MYO1D: variants seen among roughly 807,000 people sequenced by gnomAD.
MYO1D encodes unconventional myosin-Id.
MYO1D carries 83 observed loss-of-function variants against 122.0 expected under a neutral mutation model. The observed-to-expected ratio is 0.68, with a 90% CI of 0.57 to 0.82. MYO1D has a LOEUF of 0.82. Ranked by LOEUF, MYO1D falls within the 40% of genes least tolerant of loss-of-function variation. The pLI is 0.00. For synonymous variants in MYO1D, 464 were observed against 446.9 expected, an observed-to-expected ratio of 1.04 and a Z score of -0.48; for missense variants, 1,157 against 1,269.5, an observed-to-expected ratio of 0.91 and a Z score of 1.35.
intron 1 of MYO1D, among the ~76,000 whole-genome samples, chr17:32,868,938 G>T (rs2151092216): frequency 6.6e-6 from 1 of 152,152 alleles, no homozygotes; most frequent in South Asian, 2.1e-4. Context: ...GCTGGGTTCG[G>T]TGGCTCATGC....
intron 1 of MYO1D, among the ~76,000 whole-genome samples, chr17:32,813,213 T>A (rs530536230): frequency 6.6e-6 from 1 of 152,200 alleles, no homozygotes; most frequent in Non-Finnish European, 1.5e-5. Flanking sequence ...TACTCATTCA[T>A]CTAACAAATA....
intron 16 of MYO1D, among the ~76,000 whole-genome samples, chr17:32,672,487 CGTTT>C (rs983262010): frequency 1.6e-4 from 25 of 151,608 alleles, no homozygotes; most frequent in African/African-American, 4.6e-4. Flanking sequence ...GGTTTTTTTT[CGTTT>C]GTTTGTTTTT....
At chr17:32,624,217 T>G (rs796270952) in intron 20 of MYO1D, among the ~76,000 whole-genome samples, 6 of 92,004 alleles carry the variant, frequency 6.5e-5, no homozygotes, top group African/African-American at 2.6e-4. Context: ...TTTCTTTAAG[T>G]TTTTTTTTTT....
At chr17:32,780,508 G>A in intron 2 of MYO1D, 68 bp downstream of exon 2, 3 of 1,483,370 alleles carry the variant, frequency 2.0e-6, no homozygotes, top group Non-Finnish European at 2.8e-6. Context: ...CAATTGTTTG[G>A]ATTCTTGAGT....
At chr17:32,691,923 C>G (rs1000533634) in intron 16 of MYO1D, among the ~76,000 whole-genome samples, 1 of 152,068 alleles carries the variant, frequency 6.6e-6, no homozygotes, top group Admixed American at 6.6e-5. Flanking sequence ...TTTGAAAAAT[C>G]CCGAGTATTT....
intron 21 of MYO1D, among the ~76,000 whole-genome samples, chr17:32,519,618 G>A (rs1365526600): frequency 6.6e-6 from 1 of 151,654 alleles, no homozygotes; most frequent in Non-Finnish European, 1.5e-5. Flanking sequence ...CCGCAGCCCC[G>A]GCCGGCCGCG....
chr17:32,531,911 A>G (rs1034389756), intron 21 of MYO1D, among the ~76,000 whole-genome samples: 3 of 152,226 alleles, frequency 2.0e-5, no homozygotes, highest in Non-Finnish European at 2.9e-5. Context: ...TTGCTTACAG[A>G]GCAGGAAAAT....
At chr17:32,820,160 T>G (rs997932863) in intron 1 of MYO1D, among the ~76,000 whole-genome samples, 3 of 152,206 alleles carry the variant, frequency 2.0e-5, no homozygotes, top group African/African-American at 7.2e-5. Context: ...TCTTGCACAC[T>G]GTTGGTGGGA....
chr17:32,578,131 G>A (rs558005224), intron 21 of MYO1D, among the ~76,000 whole-genome samples: 2 of 152,330 alleles, frequency 1.3e-5, no homozygotes, highest in African/African-American at 4.8e-5. Context: ...CTGCATATAA[G>A]AGAATAGCAG....
chr17:32,723,392 C>T (rs1048518275), intron 14 of MYO1D, among the ~76,000 whole-genome samples: 1 of 152,174 alleles, frequency 6.6e-6, no homozygotes, highest in Non-Finnish European at 1.5e-5. Context: ...GGACACTTAG[C>T]TGATGTTAGA....
At chr17:32,606,978 G>A (rs1046505390) in intron 20 of MYO1D, among the ~76,000 whole-genome samples, 5 of 152,070 alleles carry the variant, frequency 3.3e-5, no homozygotes, top group African/African-American at 1.2e-4. Flanking sequence ...TGACCAATAT[G>A]GTGAAACCCT....
chr17:32,591,301 G>A (rs1378719542), intron 21 of MYO1D, among the ~76,000 whole-genome samples: 2 of 152,240 alleles, frequency 1.3e-5, no homozygotes, highest in Non-Finnish European at 2.9e-5. Flanking sequence ...GTGTATAGCA[G>A]GTGGGACTGA....
intron 1 of MYO1D, among the ~76,000 whole-genome samples, chr17:32,818,141 A>AAAAAAAAAAAAAAAAAAAAAAAAC (rs1392236608): frequency 6.9e-6 from 1 of 145,730 alleles, no homozygotes; most frequent in Non-Finnish European, 1.5e-5. Context: ...AAAAAAAAAA[A>AAAAAAAAAAAAAAAAAAAAAAAAC]AAAAGAGGTA....
At chr17:32,664,635 A>T (rs547248680) in intron 16 of MYO1D, among the ~76,000 whole-genome samples, 1 of 152,234 alleles carries the variant, frequency 6.6e-6, no homozygotes, top group Non-Finnish European at 1.5e-5. Flanking sequence ...AAGTCAGCAG[A>T]GGATATCGGG....
intron 21 of MYO1D, among the ~76,000 whole-genome samples, chr17:32,569,129 T>C (rs1179454086): frequency 2.6e-5 from 4 of 152,230 alleles, no homozygotes; most frequent in Admixed American, 2.0e-4. Flanking sequence ...AAATAGATGT[T>C]TATGACTAAA....
chr17:32,834,443 A>G (rs1366357012), intron 1 of MYO1D, among the ~76,000 whole-genome samples: 1 of 152,230 alleles, frequency 6.6e-6, no homozygotes. Context: ...CTCCAAGCTA[A>G]CAACATGTGA....
intron 6 of MYO1D, 146 bp from the exon 7 acceptor site, chr17:32,767,898 A>T: frequency 1.7e-6 from 1 of 590,716 alleles, no homozygotes; most frequent in Admixed American, 2.9e-5. Flanking sequence ...AATAAAAATG[A>T]TTTCACGAGT....
chr17:32,874,610 T>C (rs983804645), intron 1 of MYO1D, among the ~76,000 whole-genome samples: 1 of 152,162 alleles, frequency 6.6e-6, no homozygotes, highest in Non-Finnish European at 1.5e-5. Context: ...CTAGAGTACC[T>C]TGCACACAGT....
chr17:32,503,681 T>C (rs1425302599), intron 21 of MYO1D, among the ~76,000 whole-genome samples: 1 of 152,214 alleles, frequency 6.6e-6, no homozygotes, highest in Non-Finnish European at 1.5e-5. Flanking sequence ...CATTAAGTGC[T>C]TCATGAGAAA....
Sources: allele counts gnomAD v4.1 joint callset (sites outside exome capture counted in the v4.1 genomes callset), GRCh38; gene constraint gnomAD v4.1.1; transcripts MANE v1.5; gene names NCBI Gene and HGNC (gene_info 2026-07-23, HGNC 2026-07-21).